The following DDX19B variants were observed in gnomAD, a reference collection of about 807,000 sequenced individuals.
The protein encoded by DDX19B is ATP-dependent RNA helicase DDX19B.
DDX19B carries 27 observed loss-of-function variants against 58.1 expected under a neutral mutation model. The ratio of observed to expected loss-of-function variants is 0.46; its 90% confidence interval spans 0.34 to 0.64. The LOEUF (loss-of-function observed/expected upper bound fraction) is 0.64, where lower values mean the gene tolerates loss of function less well. Ranked by LOEUF, DDX19B falls within the 30% of genes least tolerant of loss-of-function variation. The pLI is 0.01. For synonymous variants in DDX19B, 187 were observed against 214.4 expected, an observed-to-expected ratio of 0.87 and a Z score of 1.12; for missense variants, 399 against 596.5, an observed-to-expected ratio of 0.67 and a Z score of 3.45.
At chr16:70,306,130 G>GTTGTTGTTGTTGTTGTTGT (rs775614734) in intron 1 of DDX19B, among the ~76,000 whole-genome samples, 17 of 150,968 alleles carry the variant, frequency 1.1e-4, no homozygotes, top group Non-Finnish European at 2.2e-4. Context: ...GGTCAGTTTT[G>GTTGTTGTTGTTGTTGTTGT]TTGTTGTTGT....
chr16:70,322,339 C>T (rs1962880640), intron 5 of DDX19B, among the ~76,000 whole-genome samples: 1 of 152,056 alleles, frequency 6.6e-6, no homozygotes, highest in Non-Finnish European at 1.5e-5. Context: ...AACTGTAATC[C>T]CAGGACTCTG....
upstream of DDX19B, among the ~76,000 whole-genome samples, chr16:70,291,549 C>T (rs1436984954): frequency 2.0e-5 from 3 of 152,114 alleles, no homozygotes; most frequent in Non-Finnish European, 1.5e-5. Context: ...TGACTCATGC[C>T]TGTAATCCCA....
intron 5 of DDX19B, among the ~76,000 whole-genome samples, chr16:70,318,257 C>T (rs1372741689): frequency 1.3e-5 from 2 of 150,782 alleles, no homozygotes; most frequent in African/African-American, 4.9e-5. Context: ...TCCTGTAGTC[C>T]CAGCTACTCG....
intron 5 of DDX19B, among the ~76,000 whole-genome samples, chr16:70,321,268 CTTTT>C (rs537919714): frequency 6.6e-6 from 1 of 151,682 alleles, no homozygotes; most frequent in Non-Finnish European, 1.5e-5. Flanking sequence ...GGCCTTCAGG[CTTTT>C]TTTTGTTTTG....
At chr16:70,326,471 C>T (rs566696194) in intron 7 of DDX19B, among the ~76,000 whole-genome samples, 2 of 152,168 alleles carry the variant, frequency 1.3e-5, no homozygotes, top group Non-Finnish European at 2.9e-5. Flanking sequence ...AGCGAGACTC[C>T]GTCTCAAAAC....
chr16:70,294,646 A>G (rs1202879571), upstream of DDX19B: 2 of 438,040 alleles, frequency 4.6e-6, no homozygotes, highest in Non-Finnish European at 8.1e-6. Flanking sequence ...GAAGCCAGAC[A>G]TTTAGCAGGA....
rs1015452622 is a variant in DDX19B at position 70,333,885 on chromosome 16, G to A, written c.*303G>A. 3.0e-5 allele frequency: 14 copies of A among 462,856 alleles called. No homozygotes were observed. Among genetic ancestry groups the A allele is most frequent in the African/African-American group, 2.6e-4 (13 of 50,580 alleles). The allele number at this position is 462,856 out of a possible 1,614,324, so 28.7% of individuals were successfully genotyped here. On this transcript the variant is annotated 3_prime_UTR_variant, in exon 12 of 12. Coordinates refer to ENST00000288071, the MANE Select transcript of DDX19B (RefSeq NM_007242.7). Reference sequence around the variant, plus strand: ...TCATGCTAATCTAGATGCTGTGGCTGATTACTTGCCCAGGATCTCCTGTGG... The same window carrying A: ...TCATGCTAATCTAGATGCTGTGGCTAATTACTTGCCCAGGATCTCCTGTGG...
intron 6 of DDX19B, among the ~76,000 whole-genome samples, chr16:70,325,294 A>C (rs1963083052): frequency 1.3e-5 from 2 of 152,224 alleles, no homozygotes; most frequent in Non-Finnish European, 2.9e-5. Flanking sequence ...AAACGAAAAG[A>C]AAGCTAATGC....
In DDX19B at chr16:70,332,552, C is replaced by T. The variant is rs561296584; in HGVS notation, c.1187-416C>T. Among the ~76,000 whole-genome samples, 293 of 152,272 alleles carry T rather than the reference C, an allele frequency of 1.9e-3. 2 individuals carry two copies. The highest frequency in any genetic ancestry group is 6.2e-3 in the African/African-American group (257 of 41,560). ...TTGACCTCAGATGATCTGCCTGCCT[C>T]GGCCTCCCAAAGTGCTGGGATTACC... On this transcript the variant is annotated intron_variant, in intron 10 of 11. Coordinates refer to ENST00000288071, the MANE Select transcript of DDX19B (RefSeq NM_007242.7).
At chr16:70,298,392 C>A (rs1421224654), upstream of DDX19B, among the ~76,000 whole-genome samples, 1 of 151,800 alleles carries the variant, frequency 6.6e-6, no homozygotes, top group East Asian at 1.9e-4. Context: ...GGCGACAGAG[C>A]CAGACTCAAT....
At chr16:70,310,882 T>A (rs1296819804) in intron 1 of DDX19B, among the ~76,000 whole-genome samples, 1 of 149,434 alleles carries the variant, frequency 6.7e-6, no homozygotes, top group Non-Finnish European at 1.5e-5. Context: ...TACAAAAAAA[T>A]TAGCTGGGGG....
Position 70,300,159 on chromosome 16 carries a change from A to C in DDX19B, c.57+805A>C, listed in dbSNP as rs147882836. ...TACACATTGTTTAAAGAGTGAAGTT[A>C]TTTTAAAAACAACGGTTCCCGCCAA... On this transcript the variant is annotated intron_variant, in intron 1 of 11. Coordinates refer to ENST00000288071, the MANE Select transcript of DDX19B (RefSeq NM_007242.7). 1.3e-3 allele frequency among the ~76,000 whole-genome samples: 190 copies of C among 151,872 alleles called. 2 individuals are homozygous for C. Among genetic ancestry groups the C allele is most frequent in the African/African-American group, 4.3e-3 (180 of 41,448 alleles).
intron 4 of DDX19B, among the ~76,000 whole-genome samples, chr16:70,316,985 T>C (rs1962456535): frequency 1.3e-5 from 2 of 151,928 alleles, no homozygotes; most frequent in African/African-American, 4.8e-5. Flanking sequence ...GGCAGGTAGA[T>C]CACGAGGTCC....
intron 5 of DDX19B, among the ~76,000 whole-genome samples, chr16:70,319,036 G>A (rs1009069843): frequency 7.5e-5 from 11 of 147,184 alleles, no homozygotes; most frequent in African/African-American, 2.0e-4. Context: ...CCTGGGAGGC[G>A]GAGCTTGCAG....
intron 1 of DDX19B, among the ~76,000 whole-genome samples, chr16:70,304,240 C>T (rs1219702476): frequency 1.3e-5 from 2 of 151,828 alleles, no homozygotes; most frequent in Non-Finnish European, 2.9e-5. Context: ...AGGGTTTCAC[C>T]ATATTGGCCA....
intron 5 of DDX19B, among the ~76,000 whole-genome samples, chr16:70,323,417 T>A (rs1962957123): frequency 6.6e-6 from 1 of 150,986 alleles, no homozygotes; most frequent in Admixed American, 6.6e-5. Flanking sequence ...TGCCTGCTTT[T>A]TTTCTTTTTT....
Position 70,314,821 on chromosome 16 carries a change from C to A in DDX19B, c.107-81C>A, listed in dbSNP as rs764092657. 7 of 1,513,408 alleles carry A rather than the reference C, an allele frequency of 4.6e-6. No individual in the cohort carries two copies. In the Admixed American group the frequency reaches 1.2e-4, roughly 26 times the overall value. 93.7% of individuals were successfully genotyped at this position (1,513,408 alleles called of 1,614,324 possible). A position where few individuals can be genotyped will look rare whatever the true frequency, so the allele number is the denominator to read the frequency against. Reference sequence around the variant, plus strand: ...GCTCCCCAGGCCTTTACAAAAACTTCTAGTGTCATAGAATTTGAATTGTCT... The same window carrying A: ...GCTCCCCAGGCCTTTACAAAAACTTATAGTGTCATAGAATTTGAATTGTCT... On this transcript the variant is annotated intron_variant, in intron 2 of 11. Transcript: ENST00000288071.
chr16:70,297,424 G>A (rs1180723069), upstream of DDX19B, among the ~76,000 whole-genome samples: 1 of 151,798 alleles, frequency 6.6e-6, no homozygotes, highest in Non-Finnish European at 1.5e-5. Context: ...TGTTGGCCAA[G>A]CTGGTCTTGA....
intron 5 of DDX19B, among the ~76,000 whole-genome samples, chr16:70,318,332 C>G (rs1275567491): frequency 6.7e-6 from 1 of 150,178 alleles, no homozygotes; most frequent in Non-Finnish European, 1.5e-5. Flanking sequence ...TGAGATCACA[C>G]CAGTGCACTC....
Sources: allele counts gnomAD v4.1 joint callset (sites outside exome capture counted in the v4.1 genomes callset), GRCh38; gene constraint gnomAD v4.1.1; transcripts MANE v1.5; gene names NCBI Gene and HGNC (gene_info 2026-07-23, HGNC 2026-07-21).